The following TXNDC8 variants were observed in gnomAD, a reference collection of about 807,000 sequenced individuals.
TXNDC8 encodes the protein thioredoxin domain containing 8.
In TXNDC8, 15 loss-of-function variants were observed where a neutral mutation model predicts 12.9. That is an observed-to-expected ratio of 1.16 (90% CI 0.78 to 1.79). TXNDC8 has a LOEUF of 1.79. TXNDC8 is among the 40% of genes most tolerant of loss of function. The probability of loss-of-function intolerance (pLI) is 0.00; values close to 1 mark genes in which losing one functional copy is unlikely to be tolerated. For synonymous variants in TXNDC8, 40 were observed against 35.4 expected (o/e 1.13, Z -0.46); for missense variants, 128 against 113.2 (o/e 1.13, Z -0.59).
Position 110,334,471 on chromosome 9 carries a change from T to C in TXNDC8, c.25-151A>G, listed in dbSNP as rs112658173. 3.2e-3 allele frequency: 1,931 copies of C among 602,678 alleles called. 31 individuals are homozygous for C. The African/African-American group carries it at 0.032, about 10-fold the overall frequency. 37.3% of individuals were successfully genotyped at this position (602,678 alleles called of 1,614,324 possible). ...GCTGCCCAGGCTGGTCTCAAACTCC[T>C]GGGCTCAAGTGATCCTCCTGCCTCA... On this transcript the variant is annotated intron_variant, in intron 1 of 4. Coordinates refer to ENST00000423740, the MANE Select transcript of TXNDC8 (RefSeq NM_001286946.2).
At chr9:110,317,363 C>A (rs573868827) in intron 3 of TXNDC8, among the ~76,000 whole-genome samples, 65 of 152,338 alleles carry the variant, frequency 4.3e-4, no homozygotes, top group Non-Finnish European at 8.2e-4. Flanking sequence ...CCCTTCACTT[C>A]TCCCCATGTT....
intron 4 of TXNDC8, 35 bp downstream of exon 5, chr9:110,304,432 G>C (rs760055189): frequency 1.9e-6 from 3 of 1,574,348 alleles, no homozygotes; most frequent in Non-Finnish European, 1.7e-6. Flanking sequence ...GTAAACCCCA[G>C]ATTTCTAACT....
At chr9:110,336,182 A>T (rs1270624271) in intron 1 of TXNDC8, among the ~76,000 whole-genome samples, 2 of 152,142 alleles carry the variant, frequency 1.3e-5, no homozygotes, top group Non-Finnish European at 2.9e-5. Flanking sequence ...TTTTTTCTTT[A>T]TAAATTACCA....
chr9:110,316,582 A>G (rs1455752839), intron 3 of TXNDC8, among the ~76,000 whole-genome samples: 4 of 152,152 alleles, frequency 2.6e-5, no homozygotes, highest in Non-Finnish European at 5.9e-5. Flanking sequence ...ATTTATATGC[A>G]CTCGAATTCA....
chr9:110,319,696 C>T (rs985338647), intron 3 of TXNDC8, among the ~76,000 whole-genome samples: 6 of 152,316 alleles, frequency 3.9e-5, no homozygotes, highest in Admixed American at 1.3e-4. Flanking sequence ...GAACGTGATT[C>T]TCCAGGCACC....
rs1221560573 is a variant in TXNDC8, at chr9:110,303,537, G to T, written c.*145C>A. ...GAGATCAGCTTACATTAATTCTTGA[G>T]TCTTGGCTTCCAATTTTTTAGCATC... is the stretch of plus-strand genomic sequence containing the variant. On this transcript the variant is annotated 3_prime_UTR_variant, in exon 5 of 5. Coordinates refer to ENST00000423740, the MANE Select transcript of TXNDC8 (RefSeq NM_001286946.2). 2 of 1,528,708 alleles carry T rather than the reference G, an allele frequency of 1.3e-6. No individual in the cohort carries two copies. The highest frequency in any genetic ancestry group is 1.8e-6 in the Non-Finnish European group (2 of 1,131,846). 94.7% of individuals were successfully genotyped at this position (1,528,708 alleles called of 1,614,324 possible).
chr9:110,304,051 T>A (rs548564194), intron 4 of TXNDC8, among the ~76,000 whole-genome samples: 18 of 152,354 alleles, frequency 1.2e-4, no homozygotes, highest in Non-Finnish European at 1.8e-4. Flanking sequence ...AATGTTTACA[T>A]CTCTGAATCA....
chr9:110,319,187 T>C (rs1000873712), intron 3 of TXNDC8, among the ~76,000 whole-genome samples: 4 of 152,226 alleles, frequency 2.6e-5, no homozygotes, highest in Admixed American at 1.3e-4. Context: ...GGTTTCTTTT[T>C]TTCCTCATGC....
rs113183967 is a variant in TXNDC8, at chr9:110,329,683, C to T, written c.130-3443G>A. On this transcript the variant is annotated intron_variant, in intron 2 of 4. Coordinates refer to ENST00000423740, the MANE Select transcript of TXNDC8 (RefSeq NM_001286946.2). ...CAGTGATCTTTGAGATACAGTTCTC[C>T]GAGCCAAACTCTACCTTCTCTTGCC... is the stretch of plus-strand genomic sequence containing the variant. 6.2e-4 allele frequency among the ~76,000 whole-genome samples: 94 copies of T among 152,246 alleles called. 1 individual carries two copies. The highest frequency in any genetic ancestry group is 2.0e-3 in the African/African-American group (82 of 41,534).
At chr9:110,332,117 A>G (rs1839570470) in intron 2 of TXNDC8, among the ~76,000 whole-genome samples, 1 of 152,328 alleles carries the variant, frequency 6.6e-6, no homozygotes, top group East Asian at 1.9e-4. Flanking sequence ...AAAACTGAAC[A>G]CTAGATATTC....
At chr9:110,337,655 C>T (rs1324054529) in intron 1 of TXNDC8, 118 bp downstream of exon 1, 1 of 944,550 alleles carries the variant, frequency 1.1e-6, no homozygotes, top group African/African-American at 1.7e-5. Context: ...AGAACTCTCC[C>T]CTTGCTACAA....
intron 3 of TXNDC8, among the ~76,000 whole-genome samples, chr9:110,317,554 C>T (rs1036356332): frequency 6.6e-5 from 10 of 152,210 alleles, no homozygotes; most frequent in African/African-American, 2.4e-4. Flanking sequence ...CATACTATAG[C>T]CTCACTTTTG....
chr9:110,331,840 C>T (rs1247191903), intron 2 of TXNDC8, among the ~76,000 whole-genome samples: 1 of 152,154 alleles, frequency 6.6e-6, no homozygotes, highest in Non-Finnish European at 1.5e-5. Flanking sequence ...TACTCGCTGG[C>T]CGCTCACCTC....
At position 110,324,110 on chromosome 9, in the gene TXNDC8, C is replaced by T; in HGVS notation, c.195+2065G>A. 16 of 1,378,590 alleles carry T rather than the reference C, an allele frequency of 1.2e-5. No individual in the cohort carries two copies. The South Asian group carries it at 2.4e-4, about 21-fold the overall frequency. The allele number at this position is 1,378,590 out of a possible 1,614,324, so 85.4% of individuals were successfully genotyped here. On this transcript the variant is annotated intron_variant, in intron 3 of 4. Coordinates refer to ENST00000423740, the MANE Select transcript of TXNDC8 (RefSeq NM_001286946.2). ...TGGGTGCCAAAAAGAAGTGTCTAAACTCCAAGTTTTAAAGAGAGTAACTGA... is the reference window on the plus strand; with the variant it reads ...TGGGTGCCAAAAAGAAGTGTCTAAATTCCAAGTTTTAAAGAGAGTAACTGA...
intron 3 of TXNDC8, chr9:110,323,783 G>A (rs972131288): frequency 1.0e-4 from 151 of 1,465,420 alleles, no homozygotes; most frequent in Non-Finnish European, 1.3e-4. Flanking sequence ...TGGTAGATTC[G>A]TTTTCAGGTT....
chr9:110,305,063 A>G (rs545326146), intron 3 of TXNDC8, among the ~76,000 whole-genome samples: 3 of 146,148 alleles, frequency 2.1e-5, no homozygotes, highest in African/African-American at 7.6e-5. Context: ...CACGAGAATC[A>G]CTTGAACCCA....
At chr9:110,328,694 G>A (rs1459406247) in intron 2 of TXNDC8, among the ~76,000 whole-genome samples, 1 of 152,038 alleles carries the variant, frequency 6.6e-6, no homozygotes, top group East Asian at 1.9e-4. Flanking sequence ...TAATCCCAGC[G>A]ACTCGGGAGG....
intron 3 of TXNDC8, among the ~76,000 whole-genome samples, chr9:110,314,519 G>A (rs1235757547): frequency 6.8e-6 from 1 of 147,956 alleles, no homozygotes; most frequent in African/African-American, 2.5e-5. Context: ...TGCAAGCTCC[G>A]CCTCCTGGGT....
At chr9:110,332,714 T>C (rs1192043328) in intron 2 of TXNDC8, among the ~76,000 whole-genome samples, 1 of 152,124 alleles carries the variant, frequency 6.6e-6, no homozygotes, top group East Asian at 1.9e-4. Flanking sequence ...ATATAAAATG[T>C]TAAAAACTGT....
Sources: allele counts gnomAD v4.1 joint callset (sites outside exome capture counted in the v4.1 genomes callset), GRCh38; gene constraint gnomAD v4.1.1; transcripts MANE v1.5; gene names NCBI Gene and HGNC (gene_info 2026-07-23, HGNC 2026-07-21).